CCDC146: variants seen among roughly 807,000 people sequenced by gnomAD.
CCDC146 encodes coiled-coil domain-containing protein 146.
In CCDC146, 92 loss-of-function variants were observed where a neutral mutation model predicts 119.3. The observed-to-expected ratio is 0.77, with a 90% CI of 0.65 to 0.92. CCDC146 has a LOEUF of 0.92. Among genes scored for constraint, CCDC146 ranks in the 40% least tolerant of loss-of-function variants. The pLI is 0.00. For synonymous variants in CCDC146, 372 were observed against 371.8 expected, an observed-to-expected ratio of 1.00 and a Z score of -0.01; for missense variants, 1,000 against 1,103.0, an observed-to-expected ratio of 0.91 and a Z score of 1.32.
intron 1 of CCDC146, among the ~76,000 whole-genome samples, chr7:77,129,628 T>C (rs969992495): frequency 6.6e-6 from 1 of 152,034 alleles, no homozygotes; most frequent in Non-Finnish European, 1.5e-5. Context: ...AATAAGGAGA[T>C]ACTACTGTAA....
At chr7:77,224,479 A>C (rs1455353263) in intron 2 of CCDC146, among the ~76,000 whole-genome samples, 2 of 152,146 alleles carry the variant, frequency 1.3e-5, no homozygotes, top group African/African-American at 4.8e-5. Flanking sequence ...ATCCACAATA[A>C]TCTCCCCATC....
chr7:77,133,853 A>ACACACT (rs1047484107), intron 1 of CCDC146, among the ~76,000 whole-genome samples: 2 of 150,946 alleles, frequency 1.3e-5, no homozygotes, highest in Non-Finnish European at 3.0e-5. Context: ...ACACACACAC[A>ACACACT]CTCACACACA....
chr7:77,279,195 C>A, intron 13 of CCDC146, 94 bp downstream of exon 13: 1 of 1,354,344 alleles, frequency 7.4e-7, no homozygotes, highest in Non-Finnish European at 1.0e-6. Flanking sequence ...AGGAAAGAGG[C>A]AGAGGCTGCA....
chr7:77,201,173 G>A lies in CCDC146; in HGVS notation c.156+33349G>A, dbSNP rs1011530020. Among the ~76,000 whole-genome samples the A allele has an allele frequency of 9.2e-5, 14 of 152,120 alleles. 1 individual carries two copies. Among genetic ancestry groups the A allele is most frequent in the African/African-American group, 2.4e-4 (10 of 41,422 alleles). On this transcript the variant is annotated intron_variant, in intron 2 of 18. Coordinates refer to ENST00000285871, the MANE Select transcript of CCDC146 (RefSeq NM_020879.3). ...ATGTAAACAGATCATCAGCTTTAAT[G>A]AGCCTTTGTTCCTGTAGCTGTAGCG... is the stretch of plus-strand genomic sequence containing the variant.
At chr7:77,183,850 C>G (rs1791625003) in intron 2 of CCDC146, among the ~76,000 whole-genome samples, 1 of 152,192 alleles carries the variant, frequency 6.6e-6, no homozygotes, top group Non-Finnish European at 1.5e-5. Flanking sequence ...TCTTAGCTCA[C>G]TGTTTTGCAT....
intron 1 of CCDC146, among the ~76,000 whole-genome samples, chr7:77,149,867 A>T (rs1791084493): frequency 6.6e-6 from 1 of 152,140 alleles, no homozygotes; most frequent in African/African-American, 2.4e-5. Flanking sequence ...GAATAGATAC[A>T]TATGGAACAG....
intron 1 of CCDC146, among the ~76,000 whole-genome samples, chr7:77,130,395 C>G (rs6962391): frequency 6.6e-6 from 1 of 151,832 alleles, no homozygotes; most frequent in African/African-American, 2.4e-5. Context: ...AACTCGCAAG[C>G]GTTGCATGTA....
intron 2 of CCDC146, among the ~76,000 whole-genome samples, chr7:77,185,288 T>G (rs1262318799): frequency 1.3e-5 from 2 of 151,984 alleles, no homozygotes; most frequent in African/African-American, 4.8e-5. Context: ...CAGGTTAGAG[T>G]CACTGAAAAA....
At chr7:77,180,489 A>T (rs1054498679) in intron 2 of CCDC146, among the ~76,000 whole-genome samples, 4 of 152,200 alleles carry the variant, frequency 2.6e-5, no homozygotes, top group Non-Finnish European at 5.9e-5. Context: ...GCTTGAGCTC[A>T]GGAGTTCAAG....
intron 1 of CCDC146, among the ~76,000 whole-genome samples, chr7:77,165,189 T>C (rs1259461001): frequency 1.3e-5 from 2 of 151,946 alleles, no homozygotes; most frequent in East Asian, 1.9e-4. Context: ...GTGGATCTGC[T>C]TGAATACATG....
At chr7:77,170,301 A>C (rs1478455023) in intron 2 of CCDC146, among the ~76,000 whole-genome samples, 1 of 152,124 alleles carries the variant, frequency 6.6e-6, no homozygotes, top group Non-Finnish European at 1.5e-5. Flanking sequence ...TGTGAAGGAC[A>C]TGATTTCATC....
chr7:77,249,431 T>C (rs1386328156), intron 4 of CCDC146, among the ~76,000 whole-genome samples: 1 of 142,710 alleles, frequency 7.0e-6, no homozygotes, highest in Non-Finnish European at 1.5e-5. Flanking sequence ...GAGGTTGCAG[T>C]GAGCCGAGAT....
chr7:77,180,059 A>G (rs1473834377), intron 2 of CCDC146, among the ~76,000 whole-genome samples: 6 of 151,948 alleles, frequency 3.9e-5, no homozygotes, highest in Non-Finnish European at 8.8e-5. Context: ...GTGTATACAT[A>G]TATATACACA....
At chr7:77,279,916 A>C (rs573206692) in intron 13 of CCDC146, among the ~76,000 whole-genome samples, 1 of 152,328 alleles carries the variant, frequency 6.6e-6, no homozygotes. Flanking sequence ...TCAACAAAGC[A>C]ATTATAAAGT....
chr7:77,223,121 C>A (rs1405078197), intron 2 of CCDC146, among the ~76,000 whole-genome samples: 1 of 152,264 alleles, frequency 6.6e-6, no homozygotes, highest in African/African-American at 2.4e-5. Flanking sequence ...GGGCTCACAG[C>A]CACTCCAACC....
chr7:77,134,267 C>T (rs2908404), intron 1 of CCDC146, among the ~76,000 whole-genome samples: 28,184 of 150,462 alleles, frequency 0.19, 2,978 homozygotes, highest in Non-Finnish European at 0.21. Flanking sequence ...TGGAAATCAA[C>T]ACTGCAAATT....
chr7:77,264,841 G>C (rs1290091525), intron 9 of CCDC146, among the ~76,000 whole-genome samples: 1 of 152,076 alleles, frequency 6.6e-6, no homozygotes, highest in Non-Finnish European at 1.5e-5. Flanking sequence ...TTTTAGATAT[G>C]CATCAGTTAG....
chr7:77,142,563 C>T (rs975214066), intron 1 of CCDC146, among the ~76,000 whole-genome samples: 10 of 151,902 alleles, frequency 6.6e-5, no homozygotes, highest in Non-Finnish European at 1.0e-4. Flanking sequence ...TTCCCTCCCC[C>T]CTTCCCCCAC....
intron 2 of CCDC146, among the ~76,000 whole-genome samples, chr7:77,235,118 G>C (rs527735619): frequency 3.0e-4 from 46 of 152,264 alleles, no homozygotes; most frequent in African/African-American, 1.1e-3. Context: ...TACTGTGCCT[G>C]GGATTATACT....
Sources: gnomAD v4.1 joint callset for allele counts (sites outside exome capture counted in the v4.1 genomes callset) on GRCh38, gnomAD v4.1.1 for gene constraint, MANE v1.5 for transcripts, NCBI Gene and HGNC (gene_info 2026-07-23, HGNC 2026-07-21) for gene names.